Variants in LRP5 observed in about 807,000 individuals in gnomAD.
The protein encoded by LRP5 is low-density lipoprotein receptor-related protein 5.
LRP5 carries 62 observed loss-of-function variants against 154.1 expected under a neutral mutation model. The ratio of observed to expected loss-of-function variants is 0.40; its 90% CI spans 0.33 to 0.50. The LOEUF (loss-of-function observed/expected upper bound fraction) is 0.50, where lower values mean the gene tolerates loss of function less well. Ranked by LOEUF, LRP5 falls within the 20% of genes least tolerant of loss-of-function variation. The pLI is 0.55. For synonymous variants in LRP5, 966 were observed against 1,011.5 expected (o/e 0.96, Z 0.85); for missense variants, 1,915 against 2,336.7 (o/e 0.82, Z 3.72).
At chr11:68,357,136 T>C (rs1286808558) in intron 2 of LRP5, among the ~76,000 whole-genome samples, 1 of 151,974 alleles carries the variant, frequency 6.6e-6, no homozygotes, top group Admixed American at 6.6e-5. Context: ...GGGGTTTCAC[T>C]GTGTTAGCCA....
At chr11:68,404,995 C>A (rs4376911) in intron 8 of LRP5, among the ~76,000 whole-genome samples, 145,058 of 145,220 alleles carry the variant, frequency 1, 72,448 homozygotes, top group Admixed American at 1. Flanking sequence ...AAAAAAAAGT[C>A]CAAAAAAAAA....
chr11:68,301,732 TCTC>T, the LRP5 span, among the ~76,000 whole-genome samples: 1 of 145,966 alleles, frequency 6.9e-6, no homozygotes. Context: ...ACACCATTCT[TCTC>T]CTGCCTCAGC....
intron 5 of LRP5, among the ~76,000 whole-genome samples, chr11:68,385,371 G>T (rs545255447): frequency 1.3e-5 from 2 of 152,166 alleles, no homozygotes; most frequent in Non-Finnish European, 2.9e-5. Flanking sequence ...GCTTCGTGGC[G>T]TGGTTCTGAA....
intron 8 of LRP5, among the ~76,000 whole-genome samples, 198 bp from the exon 9 acceptor site, chr11:68,406,326 A>G (rs2098655609): frequency 6.6e-6 from 1 of 152,162 alleles, no homozygotes; most frequent in Non-Finnish European, 1.5e-5. Context: ...CCTGGCTTTC[A>G]GGTGAAAGGT....
Position 68,429,633 on chromosome 11 carries a change from T to C in LRP5, c.3696T>C (p.Gly1232=). ...GCTCCCACATCTGTATTGCCAAGGG[T>C]GATGGGACACCACGGTGCTCATGCC... ...GGCSHICIAK[G]DGTPRCSCPV... is the part of the protein sequence containing the mutation. The change falls in exon 17 of 23, where the codon GGT becomes GGC. Residue 1232 remains glycine (G), a synonymous_variant. Transcript: ENST00000294304. 6.2e-7 allele frequency: 1 copy of C among 1,614,118 alleles called. No homozygotes were observed. Among genetic ancestry groups the C allele is most frequent in the Non-Finnish European group, 8.5e-7 (1 of 1,180,030 alleles).
chr11:68,406,545 G>A lies in LRP5; in HGVS notation c.1823G>A (p.Arg608Lys), dbSNP rs754464622. 2.5e-6 allele frequency: 4 copies of A among 1,614,160 alleles called. No individual in the cohort carries two copies. Among genetic ancestry groups the A allele is most frequent in the Non-Finnish European group, 3.4e-6 (4 of 1,180,030 alleles). The change falls in exon 9 of 23, where the codon AGG becomes AAG. Residue 608 changes from arginine (R) to lysine (K), a missense_variant. By Grantham distance (26) the Arg-to-Lys change is conservative. Transcript: ENST00000294304. The stretch of plus-strand genomic sequence containing the variant: ...CCAGGAACCAACCCGTGTGCGGACA[G>A]GAACGGGGGGTGCAGCCACCTGTGC... ...KVVGTNPCAD[R>K]NGGCSHLCFF...
chr11:68,303,299 T>C, the LRP5 span, among the ~76,000 whole-genome samples: 2 of 152,030 alleles, frequency 1.3e-5, no homozygotes, highest in South Asian at 2.1e-4. Flanking sequence ...CTGACAGTGA[T>C]ATGGACAAGC....
At chr11:68,409,804 C>T (rs998747496) in intron 9 of LRP5, 110 bp from the exon 10 acceptor site, 4 of 842,852 alleles carry the variant, frequency 4.7e-6, no homozygotes, top group Admixed American at 2.0e-5. Context: ...GAGCCGAGAT[C>T]GCACCATTGC....
Position 68,378,079 on chromosome 11 carries a change from C to T in LRP5, c.1016-8237C>T, listed in dbSNP as rs543807095. On this transcript the variant is annotated intron_variant, in intron 5 of 22. Coordinates refer to ENST00000294304, the MANE Select transcript of LRP5 (RefSeq NM_002335.4). ...CATCCACTCTGTCTGCAGGGATGGC[C>T]GGGGCCCTGCGGCTGGGTGATGAGG... is the stretch of plus-strand genomic sequence containing the variant. Among the ~76,000 whole-genome samples, 3 of 152,256 alleles carry T rather than the reference C, an allele frequency of 2.0e-5. No individual in the cohort carries two copies. In the East Asian group the frequency reaches 5.8e-4, roughly 29 times the overall value.
In LRP5 at chr11:68,438,502, G is replaced by A. The variant is rs745582449; in HGVS notation, c.4168G>A (p.Val1390Ile). The change falls in exon 20 of 23, where the codon GTC (valine) becomes ATC (isoleucine). Residue 1390 changes from valine (V) to isoleucine (I), a missense_variant. By Grantham distance (29) the Val-to-Ile change is conservative. Coordinates refer to ENST00000294304, the MANE Select transcript of LRP5 (RefSeq NM_002335.4). ...SPAHSSAIGPVIGIILSLFVM... is the reference protein window; with the variant it reads ...SPAHSSAIGPIIGIILSLFVM... ...GGCCCACAGCAGTGCCATCGGGCCCGTCATTGGCATCATCCTCTCTCTCTT... is the reference window on the plus strand; with the variant it reads ...GGCCCACAGCAGTGCCATCGGGCCCATCATTGGCATCATCCTCTCTCTCTT... 8.1e-6 allele frequency: 13 copies of A among 1,614,110 alleles called. No individual in the cohort carries two copies. The highest frequency in any genetic ancestry group is 2.2e-5 in the East Asian group (1 of 44,900).
rs1565115395 is a variant in LRP5, at chr11:68,437,076, G to A, written c.4111+77G>A. The A allele has an allele frequency of 9.5e-6, 12 of 1,267,140 alleles. No homozygotes were observed. The South Asian group carries it at 9.6e-5, about 10-fold the overall frequency. The allele number at this position is 1,267,140 out of a possible 1,614,324, so 78.5% of individuals were successfully genotyped here. A position where few individuals can be genotyped will look rare whatever the true frequency, so the allele number is the denominator to read the frequency against. ...GAACGTGGAGTTTAGGGGAGGAGAC[G>A]TGCCTTTCCAGCGGGGCTGGGGGCT... On this transcript the variant is annotated intron_variant, in intron 19 of 22. Coordinates refer to ENST00000294304, the MANE Select transcript of LRP5 (RefSeq NM_002335.4).
At chr11:68,339,568 G>C (rs550049593) in intron 1 of LRP5, among the ~76,000 whole-genome samples, 66 of 152,020 alleles carry the variant, frequency 4.3e-4, no homozygotes, top group African/African-American at 1.5e-3. Flanking sequence ...GGCTGGTCTC[G>C]AACTCCTTAC....
At chr11:68,370,975 C>CT (rs1010160601) in intron 5 of LRP5, among the ~76,000 whole-genome samples, 6 of 151,950 alleles carry the variant, frequency 3.9e-5, no homozygotes, top group African/African-American at 1.5e-4. Context: ...TTTCAGTTCA[C>CT]TTTTTTTTGT....
chr11:68,357,578 T>C, intron 2 of LRP5, 72 bp from the exon 3 acceptor site: 1 of 1,375,150 alleles, frequency 7.3e-7, no homozygotes, highest in South Asian at 1.2e-5. Flanking sequence ...TTGTTTCATG[T>C]CTGCATCTAT....
intron 1 of LRP5, among the ~76,000 whole-genome samples, chr11:68,335,893 T>G (rs1410792686): frequency 6.6e-6 from 1 of 152,206 alleles, no homozygotes; most frequent in Non-Finnish European, 1.5e-5. Context: ...TGATGGTGAC[T>G]CAGTTTTTTC....
chr11:68,359,110 G>A (rs1431581740), intron 3 of LRP5, among the ~76,000 whole-genome samples: 1 of 152,216 alleles, frequency 6.6e-6, no homozygotes, highest in African/African-American at 2.4e-5. Context: ...TTAACAGCCT[G>A]AAACAGCAAA....
Position 68,353,768 on chromosome 11 carries a change from G to T in LRP5, c.489-3882G>T, listed in dbSNP as rs149555866. ...TGCCCCGGCCATCATCAGGAAGGGGGTCTCTGGGTCCGAGCGTCCACCTCA... is the reference window on the plus strand; with the variant it reads ...TGCCCCGGCCATCATCAGGAAGGGGTTCTCTGGGTCCGAGCGTCCACCTCA... On this transcript the variant is annotated intron_variant, in intron 2 of 22. Coordinates refer to ENST00000294304, the MANE Select transcript of LRP5 (RefSeq NM_002335.4). This position sits in a 1 kb window ranked among gnomAD's most constrained non-coding sequence, Gnocchi z 4.5. Among the ~76,000 whole-genome samples the T allele has an allele frequency of 7.2e-3, 1,101 of 152,314 alleles. 10 individuals are homozygous for T. The highest frequency in any genetic ancestry group is 0.025 in the African/African-American group (1,028 of 41,562).
chr11:68,410,087 C>T lies in LRP5; in HGVS notation c.2265C>T (p.Leu755=), dbSNP rs1022762292. 1.1e-5 allele frequency: 17 copies of T among 1,613,888 alleles called. No individual in the cohort carries two copies. Among genetic ancestry groups the T allele is most frequent in the African/African-American group, 4.0e-5 (3 of 74,924 alleles). ...TGGACGGGCAGTTCCGGCAAGTCCTCGTGTGGAGGGACTTGGACAACCCGA... is the reference window on the plus strand; with the variant it reads ...TGGACGGGCAGTTCCGGCAAGTCCTTGTGTGGAGGGACTTGGACAACCCGA... ...ARLDGQFRQV[L]VWRDLDNPRS... The change falls in exon 10 of 23, where the codon CTC becomes CTT. Residue 755 remains leucine, a synonymous_variant. Coordinates refer to ENST00000294304, the MANE Select transcript of LRP5 (RefSeq NM_002335.4).
chr11:68,444,693 A>G (rs1283959711), intron 21 of LRP5, among the ~76,000 whole-genome samples: 1 of 151,794 alleles, frequency 6.6e-6, no homozygotes, highest in Non-Finnish European at 1.5e-5. Flanking sequence ...AAGTCTGCCC[A>G]GTGCAGATTT....
Sources: allele counts gnomAD v4.1 joint callset (sites outside exome capture counted in the v4.1 genomes callset), GRCh38; gene constraint gnomAD v4.1.1; non-coding constraint Gnocchi (gnomAD v3.1); transcripts MANE v1.5; gene names NCBI Gene and HGNC (gene_info 2026-07-23, HGNC 2026-07-21).